LRRTM4: variants seen among roughly 807,000 people sequenced by gnomAD.
LRRTM4 encodes leucine-rich repeat transmembrane neuronal protein 4.
A neutral mutation model predicts 47.6 loss-of-function variants in LRRTM4; 25 were observed. That is an observed-to-expected ratio of 0.53 (90% CI 0.38 to 0.73). LRRTM4 has a LOEUF of 0.73. Among genes scored for constraint, LRRTM4 ranks in the 30% least tolerant of loss-of-function variants. The pLI is 0.00. For missense variants in LRRTM4, 638 were observed against 713.4 expected (o/e 0.89, Z 1.20); for synonymous variants, 311 against 269.5 (o/e 1.15, Z -1.51).
At chr2:76,985,291 T>G (rs1573404913) in intron 3 of LRRTM4, among the ~76,000 whole-genome samples, 1 of 152,014 alleles carries the variant, frequency 6.6e-6, no homozygotes, top group African/African-American at 2.4e-5. Context: ...ACCTGTGAAT[T>G]AAATGGTGGG....
chr2:77,481,137 T>C (rs866399596), intron 3 of LRRTM4, among the ~76,000 whole-genome samples: 10 of 152,176 alleles, frequency 6.6e-5, no homozygotes, highest in South Asian at 4.1e-4. Flanking sequence ...ACAACATGAA[T>C]ATTAACTAAC....
At chr2:77,284,517 G>C (rs1192911915) in intron 3 of LRRTM4, among the ~76,000 whole-genome samples, 1 of 150,834 alleles carries the variant, frequency 6.6e-6, no homozygotes, top group Admixed American at 6.6e-5. Flanking sequence ...TTTAATATCT[G>C]TGAATCACTA....
At chr2:76,977,199 T>C (rs751903349) in intron 3 of LRRTM4, among the ~76,000 whole-genome samples, 1 of 151,644 alleles carries the variant, frequency 6.6e-6, no homozygotes, top group Non-Finnish European at 1.5e-5. Flanking sequence ...CCAATCTTAA[T>C]GACATCAGCA....
At position 77,369,585 on chromosome 2, in the gene LRRTM4, A is replaced by C. The variant is rs186053239; in HGVS notation, c.1551+148733T>G. Among the ~76,000 whole-genome samples, 3 of 151,884 alleles carry C rather than the reference A, an allele frequency of 2.0e-5. No homozygotes were observed. The East Asian group carries it at 5.8e-4, about 29-fold the overall frequency. ...AATTATGTGAGATAATAGATATGTT[A>C]ATTTGTTCCACTATAGAAGCCATTT... On this transcript the variant is annotated intron_variant, in intron 3 of 3. Transcript: ENST00000409884.
intron 3 of LRRTM4, among the ~76,000 whole-genome samples, chr2:77,317,585 C>T (rs1040842723): frequency 1.2e-4 from 19 of 152,122 alleles, no homozygotes; most frequent in Non-Finnish European, 2.2e-4. Context: ...CCCCCATGTG[C>T]CTTTTCTTCA....
chr2:76,999,352 C>T (rs938708408), intron 3 of LRRTM4, among the ~76,000 whole-genome samples: 2 of 151,170 alleles, frequency 1.3e-5, no homozygotes, highest in African/African-American at 4.9e-5. Context: ...AACTGGTACA[C>T]AGTAATGATG....
intron 3 of LRRTM4, among the ~76,000 whole-genome samples, chr2:76,760,056 TA>T (rs2104078640): frequency 6.6e-6 from 1 of 152,326 alleles, no homozygotes; most frequent in Non-Finnish European, 1.5e-5. Flanking sequence ...AAATATGTGC[TA>T]TAAGAATGTA....
intron 3 of LRRTM4, among the ~76,000 whole-genome samples, chr2:76,976,594 C>T (rs76281283): frequency 0.038 from 5,708 of 151,748 alleles, 246 homozygotes; most frequent in East Asian, 0.14. Flanking sequence ...ATTGCTGTGG[C>T]CTAGGCTCAG....
Position 77,516,573 on chromosome 2 carries a change from C to G in LRRTM4, c.1551+1745G>C, listed in dbSNP as rs189734068. On this transcript the variant is annotated intron_variant, in intron 3 of 3. Transcript: ENST00000409884. ...GAGGATCACAAAATATAAGGAGAAC[C>G]CAGAATAAAATAGGATGAACTTGTG... 5.2e-4 allele frequency: 504 copies of G among 972,310 alleles called. 4 individuals carry two copies. In the African/African-American group the frequency reaches 8.4e-3, roughly 16 times the overall value. The allele number at this position is 972,310 out of a possible 1,614,324, so 60.2% of individuals were successfully genotyped here. A position where few individuals can be genotyped will look rare whatever the true frequency, so the allele number is the denominator to read the frequency against.
At chr2:76,774,187 TTTTTA>T (rs897836977) in intron 3 of LRRTM4, among the ~76,000 whole-genome samples, 3 of 152,048 alleles carry the variant, frequency 2.0e-5, no homozygotes, top group African/African-American at 7.2e-5. Context: ...ACTTTTTTTT[TTTTTA>T]TTTTTAGTTT....
intron 3 of LRRTM4, among the ~76,000 whole-genome samples, chr2:77,229,563 G>A (rs1674907825): frequency 6.6e-6 from 1 of 151,884 alleles, no homozygotes; most frequent in South Asian, 2.1e-4. Context: ...CATCCTTATT[G>A]ACCTCTTTCT....
At chr2:77,342,315 A>G (rs1671402220) in intron 3 of LRRTM4, among the ~76,000 whole-genome samples, 1 of 151,942 alleles carries the variant, frequency 6.6e-6, no homozygotes, top group Admixed American at 6.6e-5. Flanking sequence ...GGGTTATTAC[A>G]ACTGTGCAGG....
intron 3 of LRRTM4, among the ~76,000 whole-genome samples, chr2:77,492,126 T>A (rs930161549): frequency 7.2e-5 from 11 of 152,160 alleles, no homozygotes; most frequent in Non-Finnish European, 1.6e-4. Flanking sequence ...GTGACCCACA[T>A]TTTTTAAAAT....
At chr2:77,102,568 T>C (rs975929376) in intron 3 of LRRTM4, among the ~76,000 whole-genome samples, 1 of 152,296 alleles carries the variant, frequency 6.6e-6, no homozygotes, top group African/African-American at 2.4e-5. Context: ...TTTATAAAAC[T>C]TTTTCAATTG....
At chr2:77,102,832 T>C (rs2103914653) in intron 3 of LRRTM4, among the ~76,000 whole-genome samples, 1 of 152,288 alleles carries the variant, frequency 6.6e-6, no homozygotes, top group South Asian at 2.1e-4. Context: ...GGTGTCTGCT[T>C]TTGCTAATAA....
At chr2:77,475,643 T>G (rs574342329) in intron 3 of LRRTM4, among the ~76,000 whole-genome samples, 5 of 151,954 alleles carry the variant, frequency 3.3e-5, no homozygotes, top group Non-Finnish European at 7.4e-5. Context: ...GTTTTATATT[T>G]CTATATTGTC....
intron 3 of LRRTM4, among the ~76,000 whole-genome samples, chr2:77,398,067 A>G (rs1367842461): frequency 6.6e-6 from 1 of 151,848 alleles, no homozygotes; most frequent in African/African-American, 2.4e-5. Flanking sequence ...CTGACCCAAA[A>G]GAACCTCCCA....
intron 3 of LRRTM4, among the ~76,000 whole-genome samples, chr2:76,909,790 A>T (rs1334888171): frequency 2.6e-5 from 4 of 152,226 alleles, no homozygotes; most frequent in South Asian, 2.1e-4. Context: ...TCAAAACCAC[A>T]GTGAGATATC....
At chr2:76,808,415 G>T in intron 3 of LRRTM4, among the ~76,000 whole-genome samples, 1 of 147,370 alleles carries the variant, frequency 6.8e-6, no homozygotes, top group Non-Finnish European at 1.5e-5. Flanking sequence ...TTTTCCAACT[G>T]CATTGAAAAT....
Sources: allele counts gnomAD v4.1 joint callset (sites outside exome capture counted in the v4.1 genomes callset), GRCh38; gene constraint gnomAD v4.1.1; transcripts MANE v1.5; gene names NCBI Gene and HGNC (gene_info 2026-07-23, HGNC 2026-07-21).